KATNAL1: variants seen among roughly 807,000 people sequenced by gnomAD.
KATNAL1 encodes katanin catalytic subunit A1 like 1, also known as katanin p60 ATPase-containing subunit A-like 1.
Under a neutral mutation model 55.2 loss-of-function variants are expected in KATNAL1, and 32 were observed. That is an observed-to-expected ratio of 0.58 (90% CI 0.44 to 0.78). The LOEUF (loss-of-function observed/expected upper bound fraction) is 0.78. Among genes scored for constraint, KATNAL1 ranks in the 30% least tolerant of loss-of-function variants. The pLI, the probability that KATNAL1 is intolerant of heterozygous loss-of-function variation, is 0.00. For missense variants in KATNAL1, 466 were observed against 600.9 expected (o/e 0.78, Z 2.35); for synonymous variants, 193 against 193.6 (o/e 1.00, Z 0.02).
At position 30,255,469 on chromosome 13, in the gene KATNAL1, C is replaced by A; in HGVS notation, c.470G>T (p.Arg157Ile). Residue 157 changes from arginine (R) to isoleucine (I), a missense_variant, in exon 4 of 11, where the codon AGA (arginine) becomes ATA (isoleucine). Physicochemically the swap from Arg to Ile is moderately conservative, Grantham distance 97. Around this residue, in one of 3 missense-constraint regions of KATNAL1, gnomAD observed 248 missense variants for 275.5 expected, o/e 0.90. Transcript: ENST00000380615. ...KPSTSRDKDYRARGRDDKGRK... is the reference protein window; with the variant it reads ...KPSTSRDKDYIARGRDDKGRK... ...TGCCTTGTCATCTCTCCCTCTTGCT[C>A]TATAGTCCTTGTCCCTACTTGTAGA... 6.3e-7 allele frequency: 1 copy of A among 1,583,552 alleles called. No homozygotes were observed. The highest frequency in any genetic ancestry group is 8.6e-7 in the Non-Finnish European group (1 of 1,165,046).
At chr13:30,267,907 A>C (rs1053714929) in intron 3 of KATNAL1, among the ~76,000 whole-genome samples, 3 of 152,208 alleles carry the variant, frequency 2.0e-5, no homozygotes, top group African/African-American at 7.2e-5. Flanking sequence ...AGCCCCACAC[A>C]AGTCAAAGAA....
At chr13:30,228,602 T>C (rs73163467) in intron 8 of KATNAL1, among the ~76,000 whole-genome samples, 14,714 of 152,282 alleles carry the variant, frequency 0.097, 948 homozygotes, top group African/African-American at 0.18. Flanking sequence ...AACATACTCA[T>C]TCCTTTCTCT....
chr13:30,292,337 A>T (rs1355650567), intron 1 of KATNAL1, among the ~76,000 whole-genome samples: 1 of 152,122 alleles, frequency 6.6e-6, no homozygotes, highest in African/African-American at 2.4e-5. Flanking sequence ...TAAAACTATA[A>T]AGCTTCCAGA....
chr13:30,259,344 A>G (rs1879053291), intron 3 of KATNAL1, among the ~76,000 whole-genome samples: 2 of 118,918 alleles, frequency 1.7e-5, no homozygotes, highest in African/African-American at 3.7e-5. Flanking sequence ...CATCTCAAAG[A>G]AAAAAAAAAA....
intron 3 of KATNAL1, among the ~76,000 whole-genome samples, chr13:30,270,058 A>G (rs61946959): frequency 0.013 from 948 of 70,786 alleles, 2 homozygotes; most frequent in East Asian, 0.032. Context: ...CAGCCGCCCC[A>G]TCCGGGAGGG....
At chr13:30,217,852 C>G (rs1050613025) in intron 9 of KATNAL1, among the ~76,000 whole-genome samples, 7 of 152,154 alleles carry the variant, frequency 4.6e-5, no homozygotes, top group Admixed American at 3.9e-4. Flanking sequence ...CAGCCCCCAC[C>G]ACCAGTCAGT....
At chr13:30,268,300 C>T (rs1879939314) in intron 3 of KATNAL1, among the ~76,000 whole-genome samples, 1 of 152,140 alleles carries the variant, frequency 6.6e-6, no homozygotes, top group Non-Finnish European at 1.5e-5. Flanking sequence ...ACAAACAAGG[C>T]TCACCAGAAA....
chr13:30,275,825 A>C (rs906678314), intron 3 of KATNAL1, among the ~76,000 whole-genome samples: 1 of 152,192 alleles, frequency 6.6e-6, no homozygotes, highest in African/African-American at 2.4e-5. Context: ...TATACCTTAA[A>C]TATATACAAT....
intron 2 of KATNAL1, among the ~76,000 whole-genome samples, chr13:30,282,400 G>C (rs1048017309): frequency 2.6e-5 from 4 of 152,148 alleles, no homozygotes; most frequent in African/African-American, 9.7e-5. Context: ...TGCTTTGAGA[G>C]GCCAAGGCAG....
At position 30,275,064 on chromosome 13, in the gene KATNAL1, TTTTG is replaced by T. The variant is rs1328916400; in HGVS notation, c.323+4995_323+4998del. On this transcript the variant is annotated intron_variant, in intron 3 of 10. Coordinates refer to ENST00000380615, the MANE Select transcript of KATNAL1 (RefSeq NM_032116.5). ...ACGTGATCTGACTGTGTTAGTCTGT[TTTTG>T]TTTTTTGTTTGTTTTTGTTTTGCAT... Among the ~76,000 whole-genome samples, 4 of 152,272 alleles carry T rather than the reference TTTTG, an allele frequency of 2.6e-5. No homozygotes were observed. The East Asian group carries it at 7.7e-4, about 29-fold the overall frequency.
chr13:30,248,981 C>T (rs780970046), intron 4 of KATNAL1, among the ~76,000 whole-genome samples: 3 of 151,848 alleles, frequency 2.0e-5, no homozygotes, highest in South Asian at 2.1e-4. Flanking sequence ...ATGGCGTGAA[C>T]GCAGGAGGCG....
intron 1 of KATNAL1, among the ~76,000 whole-genome samples, chr13:30,302,068 C>T (rs1246171656): frequency 6.6e-6 from 1 of 152,154 alleles, no homozygotes; most frequent in Non-Finnish European, 1.5e-5. Context: ...GATGATGTCT[C>T]GCCATGTTGC....
intron 3 of KATNAL1, among the ~76,000 whole-genome samples, chr13:30,269,484 G>T (rs999830222): frequency 6.6e-6 from 1 of 152,196 alleles, no homozygotes; most frequent in Non-Finnish European, 1.5e-5. Flanking sequence ...GTCTCTGCCC[G>T]GCCGCCACCC....
chr13:30,303,177 G>GC (rs1882968031), intron 1 of KATNAL1, among the ~76,000 whole-genome samples: 1 of 152,212 alleles, frequency 6.6e-6, no homozygotes, highest in South Asian at 2.1e-4. Context: ...CATCCGTTCA[G>GC]TTAGGACCAC....
In KATNAL1 at chr13:30,206,728, T is replaced by C. The variant is rs1165558587; in HGVS notation, c.*1812A>G. 3 of 152,100 alleles carry C rather than the reference T, an allele frequency of 2.0e-5. No homozygotes were observed. Among genetic ancestry groups the C allele is most frequent in the Admixed American group, 2.0e-4 (3 of 15,282 alleles). The allele number at this position is 152,100 out of a possible 1,614,324, so 9.4% of individuals were successfully genotyped here. Reference sequence around the variant, plus strand: ...AGTTTTAACAATCACAAGACTAATGTTTTAGTGACGGCTCCTAAAACTTCA... The same window carrying C: ...AGTTTTAACAATCACAAGACTAATGCTTTAGTGACGGCTCCTAAAACTTCA... On this transcript the variant is annotated 3_prime_UTR_variant, in exon 11 of 11. Transcript: ENST00000380615.
chr13:30,261,746 A>C (rs1593906485), intron 3 of KATNAL1, among the ~76,000 whole-genome samples: 4 of 152,182 alleles, frequency 2.6e-5, no homozygotes, highest in Admixed American at 2.6e-4. Context: ...AAAGAGACTT[A>C]AGACTCCCAC....
At chr13:30,226,056 A>G (rs1391248233) in intron 9 of KATNAL1, among the ~76,000 whole-genome samples, 7 of 152,228 alleles carry the variant, frequency 4.6e-5, no homozygotes, top group Admixed American at 3.9e-4. Flanking sequence ...CATCAGAGAA[A>G]TACCAATTAA....
rs773734424 is a variant in KATNAL1, at chr13:30,283,650, A to C, written c.128T>G (p.Val43Gly). 1 of 1,613,884 alleles carries C rather than the reference A, an allele frequency of 6.2e-7. No homozygotes were observed. The highest frequency in any genetic ancestry group is 2.2e-5 in the East Asian group (1 of 44,858). Residue 43 changes from valine (V) to glycine (G), a missense_variant, in exon 2 of 11, where the codon GTC becomes GGC. Around this residue, in one of 3 missense-constraint regions of KATNAL1, gnomAD observed 248 missense variants for 275.5 expected, o/e 0.90. Coordinates refer to ENST00000380615, the MANE Select transcript of KATNAL1 (RefSeq NM_032116.5). Reference sequence around the variant, plus strand: ...TTTGCCTTTGATAGCTGGATCTCTGACTGACTGGCAATGTCTCTGAATCTG... The same window carrying C: ...TTTGCCTTTGATAGCTGGATCTCTGCCTGACTGGCAATGTCTCTGAATCTG... ...MQQIQRHCQS[V>G]RDPAIKGKWQ... is the part of the protein sequence containing the mutation.
intron 10 of KATNAL1, among the ~76,000 whole-genome samples, chr13:30,210,003 C>T (rs1008118767): frequency 2.0e-5 from 3 of 152,032 alleles, no homozygotes; most frequent in Non-Finnish European, 4.4e-5. Flanking sequence ...AGGATGGTCT[C>T]GATCTCCTGA....
Sources: gnomAD v4.1 joint callset for allele counts (sites outside exome capture counted in the v4.1 genomes callset) on GRCh38, gnomAD v4.1.1 for gene constraint, gnomAD v4.1.1 regional missense constraint, MANE v1.5 for transcripts, NCBI Gene and HGNC (gene_info 2026-07-23, HGNC 2026-07-21) for gene names.